Variants in EDEM2 observed in about 807,000 individuals in gnomAD.
The protein encoded by EDEM2 is ER degradation enhancing alpha-mannosidase like protein 2.
Under a neutral mutation model 64.8 loss-of-function variants are expected in EDEM2, and 39 were observed. The observed-to-expected ratio is 0.60, with a 90% CI of 0.47 to 0.79. The LOEUF (loss-of-function observed/expected upper bound fraction) is 0.79, where lower values mean the gene tolerates loss of function less well. Among genes scored for constraint, EDEM2 ranks in the 30% least tolerant of loss-of-function variants. The pLI is 0.00. For synonymous variants in EDEM2, 296 were observed against 291.5 expected (o/e 1.02, Z -0.16); for missense variants, 609 against 731.3 (o/e 0.83, Z 1.93).
intron 10 of EDEM2, among the ~76,000 whole-genome samples, chr20:35,117,943 C>G (rs981270848): frequency 1.3e-5 from 2 of 152,208 alleles, no homozygotes; most frequent in Non-Finnish European, 2.9e-5. Flanking sequence ...CAAACTCTTT[C>G]CTGTGGCTTA....
At chr20:35,116,287 G>A (rs141434461) in intron 10 of EDEM2, among the ~76,000 whole-genome samples, 21 of 152,062 alleles carry the variant, frequency 1.4e-4, no homozygotes, top group Non-Finnish European at 2.1e-4. Context: ...GATAACAGGC[G>A]TGAGACACAC....
At chr20:35,118,782 T>C in intron 9 of EDEM2, 63 bp from the exon 10 acceptor site, 1 of 1,597,778 alleles carries the variant, frequency 6.3e-7, no homozygotes, top group African/African-American at 1.3e-5. Context: ...TGGGGCCTCT[T>C]AGGGCCGTGA....
At chr20:35,145,096 C>G in intron 2 of EDEM2, 78 bp from the exon 3 acceptor site, 1 of 1,472,648 alleles carries the variant, frequency 6.8e-7, no homozygotes. Context: ...GATCTGATCC[C>G]CCTAAAACTA....
intron 3 of EDEM2, among the ~76,000 whole-genome samples, chr20:35,143,776 G>A (rs2085690256): frequency 1.3e-5 from 2 of 152,118 alleles, no homozygotes; most frequent in Non-Finnish European, 2.9e-5. Context: ...GAGTGCAGTG[G>A]TGTGATCATA....
chr20:35,145,115 A>G, intron 2 of EDEM2, 97 bp from the exon 3 acceptor site: 1 of 1,240,520 alleles, frequency 8.1e-7, no homozygotes, highest in African/African-American at 1.5e-5. Context: ...TAAATGAGGC[A>G]AAGTAATGCC....
intron 6 of EDEM2, among the ~76,000 whole-genome samples, chr20:35,133,217 G>C (rs955763976): frequency 6.6e-6 from 1 of 152,090 alleles, no homozygotes; most frequent in Non-Finnish European, 1.5e-5. Context: ...CGGCTTGAGA[G>C]CTACTCATGG....
At chr20:35,140,175 GA>G (rs1402415056) in intron 4 of EDEM2, among the ~76,000 whole-genome samples, 1 of 152,114 alleles carries the variant, frequency 6.6e-6, no homozygotes, top group African/African-American at 2.4e-5. Context: ...GACACGAAAA[GA>G]AAAAATAGTC....
At chr20:35,141,044 C>T (rs1427428877) in intron 4 of EDEM2, among the ~76,000 whole-genome samples, 1 of 139,868 alleles carries the variant, frequency 7.1e-6, no homozygotes, top group East Asian at 2.3e-4. Flanking sequence ...CGCCTGAACC[C>T]GGGAGGCAGA....
At chr20:35,140,019 T>C (rs1461159806) in intron 4 of EDEM2, among the ~76,000 whole-genome samples, 1 of 152,068 alleles carries the variant, frequency 6.6e-6, no homozygotes, top group Non-Finnish European at 1.5e-5. Flanking sequence ...CCTAGAACCA[T>C]ACACCCAGCA....
At chr20:35,141,045 G>A (rs140426891) in intron 4 of EDEM2, among the ~76,000 whole-genome samples, 3,277 of 151,052 alleles carry the variant, frequency 0.022, 58 homozygotes, top group Non-Finnish European at 0.033. Context: ...GCCTGAACCC[G>A]GGAGGCAGAG....
At chr20:35,118,545 T>G in intron 10 of EDEM2, 53 bp downstream of exon 10, 1 of 1,611,584 alleles carries the variant, frequency 6.2e-7, no homozygotes, top group South Asian at 1.1e-5. Flanking sequence ...AAAGAGGCTT[T>G]TTAGCAGCAA....
At chr20:35,122,659 C>T (rs1490603932) in intron 9 of EDEM2, among the ~76,000 whole-genome samples, 1 of 152,238 alleles carries the variant, frequency 6.6e-6, no homozygotes, top group Non-Finnish European at 1.5e-5. Flanking sequence ...CAGGCGTGAG[C>T]CACCATGCCC....
intron 1 of EDEM2, 81 bp downstream of exon 1, chr20:35,147,071 G>T: frequency 5.8e-6 from 9 of 1,548,740 alleles, no homozygotes; most frequent in Non-Finnish European, 7.0e-6. Flanking sequence ...GAGCAAGTCG[G>T]GGTCTGGGAT....
chr20:35,124,685 G>T (rs966845431), intron 8 of EDEM2, among the ~76,000 whole-genome samples: 19 of 151,982 alleles, frequency 1.3e-4, no homozygotes, highest in Non-Finnish European at 2.4e-4. Flanking sequence ...AACATTACTG[G>T]TTTCTTGTAT....
At chr20:35,117,477 A>G (rs2085322419) in intron 10 of EDEM2, among the ~76,000 whole-genome samples, 1 of 152,208 alleles carries the variant, frequency 6.6e-6, no homozygotes, top group Non-Finnish European at 1.5e-5. Flanking sequence ...GTTCATGGAA[A>G]TGAGCCCAGC....
chr20:35,118,571 A>C, intron 10 of EDEM2, 27 bp downstream of exon 10: 2 of 1,613,626 alleles, frequency 1.2e-6, no homozygotes, highest in South Asian at 2.2e-5. Flanking sequence ...GACTCTTCCC[A>C]GTTCTTGGGG....
intron 3 of EDEM2, 38 bp downstream of exon 3, chr20:35,144,941 T>A: frequency 6.2e-7 from 1 of 1,609,872 alleles, no homozygotes; most frequent in Non-Finnish European, 8.5e-7. Context: ...GTTGGTTATG[T>A]AACAGTGGAA....
At chr20:35,127,370 C>T (rs2085448128) in intron 7 of EDEM2, among the ~76,000 whole-genome samples, 1 of 152,162 alleles carries the variant, frequency 6.6e-6, no homozygotes, top group African/African-American at 2.4e-5. Context: ...CTACTAGGTT[C>T]CAGGCTCCTA....
At chr20:35,141,322 T>C (rs780436479) in intron 4 of EDEM2, among the ~76,000 whole-genome samples, 6 of 151,970 alleles carry the variant, frequency 3.9e-5, no homozygotes, top group Non-Finnish European at 5.9e-5. Context: ...ATGGAAAGGA[T>C]AGAAAAAGAT....
Sources: allele counts gnomAD v4.1 joint callset (sites outside exome capture counted in the v4.1 genomes callset), GRCh38; gene constraint gnomAD v4.1.1; transcripts MANE v1.5; gene names NCBI Gene and HGNC (gene_info 2026-07-23, HGNC 2026-07-21).